UNC13B: variants seen among roughly 807,000 people sequenced by gnomAD.
The protein encoded by UNC13B is protein unc-13 homolog B.
Under a neutral mutation model 211.0 loss-of-function variants are expected in UNC13B, and 144 were observed. The observed-to-expected ratio is 0.68, with a 90% confidence interval of 0.60 to 0.78. UNC13B has a LOEUF of 0.78. UNC13B is among the 30% of genes least tolerant of loss of function. UNC13B has a pLI of 0.00. For missense variants in UNC13B, 1,777 were observed against 2,002.0 expected (o/e 0.89, Z 2.14); for synonymous variants, 709 against 725.8 (o/e 0.98, Z 0.37).
Position 35,377,594 on chromosome 9 carries a change from T to C in UNC13B, c.9962T>C (p.Val3321Ala). ...KPEIFEVIRD[V>A]FTVNKAAHVQ... ...GAGATCTTTGAAGTTATCCGGGACG[T>C]CTTCACAGTGAACAAAGCTGCCCAT... Residue 3321 changes from valine to alanine, a missense_variant, in exon 16 of 40, where the codon GTC becomes GCC. Coordinates refer to ENST00000635942, the MANE Select transcript of UNC13B (RefSeq NM_001371189.2). 1 of 1,614,220 alleles carries C rather than the reference T, an allele frequency of 6.2e-7. No homozygotes were observed. The highest frequency in any genetic ancestry group is 8.5e-7 in the Non-Finnish European group (1 of 1,180,036).
chr9:35,313,981 C>T lies in UNC13B; in HGVS notation c.9406C>T (p.Leu3136=). ...IRAVTKVRLQ[L]QEIPDDGDPS... Reference sequence around the variant, plus strand: ...AGCAGTTACCAAGGTTCGACTCCAGCTGCAGGAGGTAGGAAATCTGTTCTA... The same window carrying T: ...AGCAGTTACCAAGGTTCGACTCCAGTTGCAGGAGGTAGGAAATCTGTTCTA... The change falls in exon 11 of 40, where the codon CTG becomes TTG. Residue 3136 remains leucine (L), a synonymous_variant. Coordinates refer to ENST00000635942, the MANE Select transcript of UNC13B (RefSeq NM_001371189.2). 6.2e-7 allele frequency: 1 copy of T among 1,613,380 alleles called. No individual in the cohort carries two copies. Among genetic ancestry groups the T allele is most frequent in the Non-Finnish European group, 8.5e-7 (1 of 1,179,402 alleles).
At chr9:35,277,426 C>G (rs1275271407) in intron 7 of UNC13B, among the ~76,000 whole-genome samples, 1 of 152,162 alleles carries the variant, frequency 6.6e-6, no homozygotes, top group Non-Finnish European at 1.5e-5. Context: ...TTAGAATGCT[C>G]AGGGGTATCC....
chr9:35,247,428 T>G (rs1020010328), intron 6 of UNC13B, among the ~76,000 whole-genome samples: 1 of 152,204 alleles, frequency 6.6e-6, no homozygotes, highest in African/African-American at 2.4e-5. Flanking sequence ...CCCTGTCTTG[T>G]GCCAGTTTTC....
intron 1 of UNC13B, among the ~76,000 whole-genome samples, chr9:35,177,358 C>T (rs559202187): frequency 3.9e-5 from 6 of 152,222 alleles, no homozygotes; most frequent in African/African-American, 9.6e-5. Context: ...GGAATAAGAC[C>T]GAGGAAGGGG....
intron 7 of UNC13B, among the ~76,000 whole-genome samples, chr9:35,276,522 C>T (rs1404796490): frequency 2.6e-5 from 4 of 152,142 alleles, no homozygotes; most frequent in African/African-American, 9.7e-5. Flanking sequence ...AGTTTCCTCA[C>T]TAATTTTGAA....
intron 11 of UNC13B, chr9:35,352,747 C>G: frequency 8.1e-7 from 1 of 1,232,192 alleles, no homozygotes; most frequent in African/African-American, 1.5e-5. Context: ...TTATCAGTGG[C>G]AGCTGTGATG....
At chr9:35,241,593 ACAC>A (rs1825817706) in intron 5 of UNC13B, among the ~76,000 whole-genome samples, 1 of 108,518 alleles carries the variant, frequency 9.2e-6, no homozygotes, top group Non-Finnish European at 2.1e-5. Context: ...ACACACACAC[ACAC>A]CACCATCTTC....
chr9:35,325,555 TG>T (rs1314125256), intron 11 of UNC13B, among the ~76,000 whole-genome samples: 3 of 152,218 alleles, frequency 2.0e-5, no homozygotes, highest in African/African-American at 7.2e-5. Context: ...CTTGTTCCTT[TG>T]TTTTTAGTAA....
At chr9:35,363,905 C>A (rs7028867) in intron 11 of UNC13B, among the ~76,000 whole-genome samples, 12,446 of 152,184 alleles carry the variant, frequency 0.082, 1,703 homozygotes, top group African/African-American at 0.28. Context: ...ACTGTGATTT[C>A]TATTAGGAAA....
chr9:35,339,610 A>G (rs1831864989), intron 11 of UNC13B, among the ~76,000 whole-genome samples: 1 of 152,248 alleles, frequency 6.6e-6, no homozygotes, highest in Non-Finnish European at 1.5e-5. Flanking sequence ...GTGGATAGAT[A>G]CAAAGGTAAT....
At position 35,364,312 on chromosome 9, in the gene UNC13B, TTG is replaced by T. The variant is rs1438185352; in HGVS notation, c.9415-2634_9415-2633del. Among the ~76,000 whole-genome samples, 5 of 130,532 alleles carry T rather than the reference TTG, an allele frequency of 3.8e-5. 1 individual carries two copies. The highest frequency in any genetic ancestry group is 2.3e-4 in the African/African-American group (5 of 21,446). The allele number at this position is 130,532 out of a possible 152,430, so 85.6% of individuals were successfully genotyped here. On this transcript the variant is annotated intron_variant, in intron 11 of 39. Transcript: ENST00000635942. ...GGTAGATTTTGTCCCTTGATTTAGT[TTG>T]GAACATCTCCAGGGATGTTCCAAAC... is the stretch of plus-strand genomic sequence containing the variant.
chr9:35,381,292 G>T (rs1048159570), intron 19 of UNC13B, 77 bp downstream of exon 19: 27 of 1,311,518 alleles, frequency 2.1e-5, no homozygotes, highest in Non-Finnish European at 2.8e-5. Flanking sequence ...GGATTGCTAG[G>T]TGGTTGGAAT....
chr9:35,291,803 A>G (rs1829112447), intron 7 of UNC13B, among the ~76,000 whole-genome samples: 1 of 152,192 alleles, frequency 6.6e-6, no homozygotes, highest in Non-Finnish European at 1.5e-5. Context: ...GGTATCCAGT[A>G]GGTACTAAGA....
chr9:35,366,076 A>G (rs969088125), intron 11 of UNC13B, among the ~76,000 whole-genome samples: 2 of 152,310 alleles, frequency 1.3e-5, no homozygotes, highest in East Asian at 1.9e-4. Flanking sequence ...CATTTGCTCC[A>G]GGATAGTTAG....
At chr9:35,230,356 A>G (rs1825126526) in intron 2 of UNC13B, among the ~76,000 whole-genome samples, 1 of 150,904 alleles carries the variant, frequency 6.6e-6, no homozygotes, top group South Asian at 2.1e-4. Context: ...CTATAATCCC[A>G]GCTACTTGGG....
At chr9:35,370,464 C>A in intron 13 of UNC13B, 68 bp downstream of exon 13, 1 of 1,469,684 alleles carries the variant, frequency 6.8e-7, no homozygotes, top group Non-Finnish European at 9.4e-7. Flanking sequence ...CCTTGGCAAG[C>A]TGTCAGGATT....
At chr9:35,244,822 T>A (rs780528956) in intron 6 of UNC13B, among the ~76,000 whole-genome samples, 5 of 152,202 alleles carry the variant, frequency 3.3e-5, no homozygotes, top group Admixed American at 3.3e-4. Context: ...AACATATCTT[T>A]TAGGACATAG....
chr9:35,302,167 A>G lies in UNC13B; in HGVS notation c.2763A>G (p.Glu921=), dbSNP rs1829717905. The G allele has an allele frequency of 5.0e-6, 2 of 398,670 alleles. No individual in the cohort carries two copies. Among genetic ancestry groups the G allele is most frequent in the Admixed American group, 4.4e-5 (1 of 22,704 alleles). 24.7% of individuals were successfully genotyped at this position (398,670 alleles called of 1,614,324 possible). A position where few individuals can be genotyped will look rare whatever the true frequency, so the allele number is the denominator to read the frequency against. ...TDEESKKNCH[E]DTKHSSIKSS... ...AGGAGAGCAAAAAAAATTGCCATGA[A>G]GATACCAAACATAGTTCAATAAAAT... The change falls in exon 9 of 40, where the codon GAA becomes GAG. Residue 921 remains glutamate (E), a synonymous_variant. Coordinates refer to ENST00000635942, the MANE Select transcript of UNC13B (RefSeq NM_001371189.2).
chr9:35,162,648 C>G (rs548103078), intron 1 of UNC13B, among the ~76,000 whole-genome samples: 2 of 152,294 alleles, frequency 1.3e-5, no homozygotes, highest in South Asian at 4.1e-4. Flanking sequence ...TGGGCAGCCT[C>G]TCATTCTTTT....
Sources: gnomAD v4.1 joint callset for allele counts (sites outside exome capture counted in the v4.1 genomes callset) on GRCh38, gnomAD v4.1.1 for gene constraint, MANE v1.5 for transcripts, NCBI Gene and HGNC (gene_info 2026-07-23, HGNC 2026-07-21) for gene names.